MCEE: variants seen among roughly 807,000 people sequenced by gnomAD.
MCEE encodes the protein methylmalonyl-CoA epimerase, mitochondrial.
MCEE carries 6 observed loss-of-function variants against 12.9 expected under a neutral mutation model. That is an observed-to-expected ratio of 0.47 (90% confidence interval 0.26 to 0.92). The LOEUF is 0.92. MCEE is among the 40% of genes least tolerant of loss of function. The pLI, the probability that MCEE is intolerant of heterozygous loss-of-function variation, is 0.16. For missense variants in MCEE, 214 were observed against 212.1 expected (o/e 1.01, Z -0.05); for synonymous variants, 78 against 77.9 (o/e 1.00, Z -0.01).
intron 2 of MCEE, among the ~76,000 whole-genome samples, chr2:71,123,929 C>A (rs1307029746): frequency 6.6e-6 from 1 of 152,184 alleles, no homozygotes; most frequent in Non-Finnish European, 1.5e-5. Flanking sequence ...ATGATCAATT[C>A]TAAAGCAGAC....
intron 2 of MCEE, among the ~76,000 whole-genome samples, chr2:71,123,797 GAA>G (rs1199992496): frequency 1.3e-5 from 2 of 152,292 alleles, no homozygotes; most frequent in African/African-American, 4.8e-5. Flanking sequence ...TTTAAAGAGA[GAA>G]AAGAGTTATA....
chr2:71,120,279 GA>G (rs1279850073), intron 2 of MCEE, among the ~76,000 whole-genome samples: 1 of 150,012 alleles, frequency 6.7e-6, no homozygotes, highest in East Asian at 1.9e-4. Context: ...GTTCTCCAGA[GA>G]AAGCACGGCC....
chr2:71,125,211 A>ATATATATATATATATTTTTTT, intron 1 of MCEE, among the ~76,000 whole-genome samples: 3 of 48,606 alleles, frequency 6.2e-5, no homozygotes, highest in Non-Finnish European at 8.8e-5. Flanking sequence ...ATATATATAT[A>ATATATATATATATATTTTTTT]TTTTTTTTTT....
chr2:71,127,719 C>A (rs1040655428), intron 1 of MCEE, among the ~76,000 whole-genome samples: 2 of 152,220 alleles, frequency 1.3e-5, no homozygotes, highest in African/African-American at 4.8e-5. Context: ...CTCTGCTTCC[C>A]AGGTTCAAGC....
chr2:71,125,052 T>C (rs1673187651), intron 1 of MCEE, among the ~76,000 whole-genome samples: 1 of 151,224 alleles, frequency 6.6e-6, no homozygotes, highest in Non-Finnish European at 1.5e-5. Context: ...AACAGTGCGA[T>C]CTCAGCTCAC....
intron 2 of MCEE, among the ~76,000 whole-genome samples, chr2:71,113,479 A>C (rs779169326): frequency 1.3e-5 from 2 of 152,186 alleles, no homozygotes; most frequent in Non-Finnish European, 2.9e-5. Flanking sequence ...CAAAGAGTAA[A>C]GAAGATGAAT....
chr2:71,123,907 G>A lies in MCEE; in HGVS notation c.378+299C>T, dbSNP rs551002667. ...GAAAACAGCTGTATTCCTGTTACAT[G>A]GGAGGTCAAACATGATCAATTCTAA... is the stretch of plus-strand genomic sequence containing the variant. On this transcript the variant is annotated intron_variant, in intron 2 of 2. Transcript: ENST00000244217. Among the ~76,000 whole-genome samples the A allele has an allele frequency of 4.6e-5, 7 of 152,262 alleles. No homozygotes were observed. The East Asian group carries it at 9.6e-4, about 21-fold the overall frequency.
chr2:71,126,469 G>T (rs890078745), intron 1 of MCEE, among the ~76,000 whole-genome samples: 1 of 145,116 alleles, frequency 6.9e-6, no homozygotes, highest in Non-Finnish European at 1.5e-5. Context: ...CTCGTGATCC[G>T]CCCACCTCGG....
chr2:71,124,073 A>G (rs1673161475), intron 2 of MCEE, 133 bp downstream of exon 2: 1 of 675,878 alleles, frequency 1.5e-6, no homozygotes, highest in African/African-American at 1.8e-5. Flanking sequence ...TTTGAGGAGG[A>G]TGAATATTAT....
At chr2:71,125,212 T>TTA (rs1553440392) in intron 1 of MCEE, among the ~76,000 whole-genome samples, 1 of 33,618 alleles carries the variant, frequency 3.0e-5, no homozygotes, top group South Asian at 1.1e-3. Context: ...TATATATATA[T>TTA]TTTTTTTTTT....
At chr2:71,123,101 A>T (rs1323285844) in intron 2 of MCEE, among the ~76,000 whole-genome samples, 1 of 152,252 alleles carries the variant, frequency 6.6e-6, no homozygotes, top group Non-Finnish European at 1.5e-5. Context: ...ACTTGGCAGA[A>T]TACACATTAT....
intron 2 of MCEE, among the ~76,000 whole-genome samples, chr2:71,122,779 C>A (rs1158700144): frequency 3.9e-5 from 6 of 152,220 alleles, no homozygotes; most frequent in Admixed American, 3.9e-4. Context: ...AGGCATAAGC[C>A]ACCACACCCA....
rs143891733 is a variant in MCEE at position 71,111,545 on chromosome 2, C to G, written c.379-1423G>C. ...TAGTAAGAAAAAACTATCCCCACCT[C>G]TGTGTGTGGATTATTCCCTCTAATC... is the stretch of plus-strand genomic sequence containing the variant. On this transcript the variant is annotated intron_variant, in intron 2 of 2. Transcript: ENST00000244217. Among the ~76,000 whole-genome samples the G allele has an allele frequency of 9.2e-5, 14 of 152,288 alleles. 1 individual carries two copies. Among genetic ancestry groups the G allele is most frequent in the Middle Eastern group, 6.8e-3 (2 of 294 alleles).
intron 1 of MCEE, among the ~76,000 whole-genome samples, chr2:71,125,082 G>A (rs1673188098): frequency 6.7e-6 from 1 of 150,198 alleles, no homozygotes. Flanking sequence ...TGCCTCCTGG[G>A]TTCAAGTGAT....
At position 71,109,796 on chromosome 2, in the gene MCEE, A is replaced by C; in HGVS notation, c.*174T>G. The C allele has an allele frequency of 2.6e-6, 1 of 391,894 alleles. No homozygotes were observed. 24.3% of individuals were successfully genotyped at this position (391,894 alleles called of 1,614,324 possible). A position where few individuals can be genotyped will look rare whatever the true frequency, so the allele number is the denominator to read the frequency against. ...AACAAATATGTTTGTTAATCTAAAT[A>C]ATATACATATTTATGTATTTATATA... On this transcript the variant is annotated 3_prime_UTR_variant, in exon 3 of 3. Coordinates refer to ENST00000244217, the MANE Select transcript of MCEE (RefSeq NM_032601.4).
At chr2:71,114,036 A>G (rs148886142) in intron 2 of MCEE, among the ~76,000 whole-genome samples, 5 of 152,214 alleles carry the variant, frequency 3.3e-5, no homozygotes, top group African/African-American at 9.6e-5. Context: ...GTAATCTTCA[A>G]AAGTGTTAAG....
chr2:71,115,376 C>T (rs566974968), intron 2 of MCEE, among the ~76,000 whole-genome samples: 5 of 152,190 alleles, frequency 3.3e-5, no homozygotes, highest in African/African-American at 9.6e-5. Context: ...AGAGTGAGAC[C>T]CTGTCTCAAA....
intron 2 of MCEE, among the ~76,000 whole-genome samples, chr2:71,116,500 A>G (rs1030424160): frequency 2.0e-5 from 3 of 149,334 alleles, no homozygotes; most frequent in Admixed American, 1.3e-4. Flanking sequence ...TAAGAGTGAC[A>G]ATAACCCGAA....
intron 2 of MCEE, among the ~76,000 whole-genome samples, chr2:71,111,416 G>C (rs13029989): frequency 0.18 from 27,873 of 151,884 alleles, 2,718 homozygotes; most frequent in East Asian, 0.22. Flanking sequence ...CTTCTGCTGC[G>C]TTAGGTGGGA....
Sources: gnomAD v4.1 joint callset for allele counts (sites outside exome capture counted in the v4.1 genomes callset) on GRCh38, gnomAD v4.1.1 for gene constraint, MANE v1.5 for transcripts, NCBI Gene and HGNC (gene_info 2026-07-23, HGNC 2026-07-21) for gene names.